Variants in DIAPH2 observed in about 807,000 individuals in gnomAD.
The protein encoded by DIAPH2 is protein diaphanous homolog 2.
Under a neutral mutation model 92.7 loss-of-function variants are expected in DIAPH2, and 35 were observed. That is an observed-to-expected ratio of 0.38 (90% CI 0.29 to 0.50). DIAPH2 has a LOEUF of 0.50. Ranked by LOEUF, DIAPH2 falls within the 20% of genes least tolerant of loss-of-function variation. The pLI is 0.94. For synonymous variants in DIAPH2, 301 were observed against 280.4 expected (o/e 1.07, Z -0.73); for missense variants, 701 against 819.5 (o/e 0.86, Z 1.77).
intron 8 of DIAPH2, among the ~76,000 whole-genome samples, chrX:96,918,199 T>G (rs895572262): frequency 2.7e-5 from 3 of 111,097 alleles, no homozygotes; most frequent in Non-Finnish European, 5.7e-5. Context: ...GTGACTGTAG[T>G]TAATAACAGT....
Position 96,898,823 on chromosome X carries a change from A to G in DIAPH2, c.588-13505A>G, listed in dbSNP as rs959942587. Among the ~76,000 whole-genome samples, 508 of 107,086 alleles carry G rather than the reference A, an allele frequency of 4.7e-3. 3 individuals are homozygous for G. Among genetic ancestry groups the G allele is most frequent in the African/African-American group, 0.016 (479 of 29,922 alleles). 93.0% of individuals were successfully genotyped at this position (107,086 alleles called of 115,157 possible). On this transcript the variant is annotated intron_variant, in intron 5 of 26. Transcript: ENST00000324765. ...GCCCATGCCTATGTCCTGAATGGTA[A>G]TGCCTAGGTTTTCTTCTAGGGTTTT...
At chrX:97,161,036 G>C (rs867888154) in intron 22 of DIAPH2, among the ~76,000 whole-genome samples, 2 of 94,810 alleles carry the variant, frequency 2.1e-5, no homozygotes, top group African/African-American at 7.3e-5. Context: ...TAAGGTTTTT[G>C]TTTTTTGTTT....
chrX:96,742,595 C>T (rs1172488558), intron 3 of DIAPH2, among the ~76,000 whole-genome samples: 1 of 111,290 alleles, frequency 9.0e-6, no homozygotes, highest in East Asian at 2.8e-4. Flanking sequence ...TCCGCTAGCT[C>T]ACAGCTTCAG....
intron 4 of DIAPH2, among the ~76,000 whole-genome samples, chrX:96,865,911 A>G (rs1037561655): frequency 8.9e-5 from 10 of 111,867 alleles, no homozygotes; most frequent in African/African-American, 3.2e-4. Context: ...GACACTTTAC[A>G]TTTATTTATA....
intron 21 of DIAPH2, among the ~76,000 whole-genome samples, chrX:97,128,326 A>G (rs183658875): frequency 9.0e-6 from 1 of 110,766 alleles, no homozygotes; most frequent in African/African-American, 3.3e-5. Context: ...GACAACCAAA[A>G]GTCACTCTCA....
At chrX:96,851,072 A>C (rs1005580417) in intron 4 of DIAPH2, among the ~76,000 whole-genome samples, 2 of 111,108 alleles carry the variant, frequency 1.8e-5, no homozygotes, top group African/African-American at 3.3e-5. Context: ...GTACTTATTG[A>C]AGCAGGAATG....
At chrX:96,969,249 T>G (rs1045228281) in intron 17 of DIAPH2, among the ~76,000 whole-genome samples, 2 of 111,980 alleles carry the variant, frequency 1.8e-5, no homozygotes, top group Non-Finnish European at 3.8e-5. Flanking sequence ...TAGTTTTTTT[T>G]TTCTAAGCCT....
chrX:97,469,236 A>C (rs1390561750), intron 26 of DIAPH2, among the ~76,000 whole-genome samples: 1 of 112,176 alleles, frequency 8.9e-6, no homozygotes, highest in Admixed American at 9.5e-5. Flanking sequence ...ACCTGGAAGA[A>C]AAATAAACTT....
At chrX:96,895,724 T>C (rs1325388015) in intron 5 of DIAPH2, among the ~76,000 whole-genome samples, 2 of 111,803 alleles carry the variant, frequency 1.8e-5, no homozygotes, top group Non-Finnish European at 3.8e-5. Flanking sequence ...GAGACAAAAA[T>C]TGATAGAGGA....
At chrX:97,346,524 C>A (rs1407987796) in intron 23 of DIAPH2, among the ~76,000 whole-genome samples, 1 of 110,988 alleles carries the variant, frequency 9.0e-6, no homozygotes, top group African/African-American at 3.3e-5. Flanking sequence ...TAGCTGAGAC[C>A]TCTAAAACAA....
At chrX:97,046,825 C>T (rs1415911222) in intron 17 of DIAPH2, among the ~76,000 whole-genome samples, 1 of 111,174 alleles carries the variant, frequency 9.0e-6, no homozygotes, top group Non-Finnish European at 1.9e-5. Flanking sequence ...CTGGTGGCTT[C>T]ATTGACATTT....
chrX:97,133,132 C>T (rs2067148791), intron 21 of DIAPH2, among the ~76,000 whole-genome samples: 1 of 111,967 alleles, frequency 8.9e-6, no homozygotes, highest in South Asian at 3.7e-4. Flanking sequence ...ATCCACGCTG[C>T]TTTACTACTT....
chrX:96,995,336 G>A (rs182094854), intron 17 of DIAPH2, among the ~76,000 whole-genome samples: 1 of 111,777 alleles, frequency 8.9e-6, no homozygotes, highest in African/African-American at 3.2e-5. Context: ...CAGTCATTGA[G>A]ATAATACAGG....
intron 20 of DIAPH2, among the ~76,000 whole-genome samples, chrX:97,104,406 TAAAG>T (rs1256145633): frequency 2.7e-5 from 3 of 110,203 alleles, no homozygotes; most frequent in Non-Finnish European, 5.7e-5. Context: ...TTAAAGCTCT[TAAAG>T]AAAGTTCTCT....
intron 22 of DIAPH2, among the ~76,000 whole-genome samples, chrX:97,170,541 T>C (rs1435206735): frequency 9.0e-6 from 1 of 111,660 alleles, no homozygotes; most frequent in Non-Finnish European, 1.9e-5. Context: ...GGATATAGTG[T>C]TGGGGCAAAG....
intron 22 of DIAPH2, among the ~76,000 whole-genome samples, chrX:97,209,750 G>A (rs1284861311): frequency 9.0e-6 from 1 of 110,619 alleles, no homozygotes; most frequent in Non-Finnish European, 1.9e-5. Context: ...ATTTTTAAGT[G>A]AACTAATTGT....
chrX:97,587,456 TAAGA>T (rs2071486668), intron 26 of DIAPH2, among the ~76,000 whole-genome samples: 1 of 111,307 alleles, frequency 9.0e-6, no homozygotes, highest in Non-Finnish European at 1.9e-5. Flanking sequence ...TGGATGACAA[TAAGA>T]AAAATAAGTA....
At chrX:97,282,554 C>T (rs2068507588) in intron 23 of DIAPH2, among the ~76,000 whole-genome samples, 1 of 111,768 alleles carries the variant, frequency 8.9e-6, no homozygotes, top group South Asian at 3.7e-4. Context: ...CATGATTCGC[C>T]TGCCTTGGCC....
At chrX:96,825,399 A>G (rs1394016816) in intron 4 of DIAPH2, among the ~76,000 whole-genome samples, 4 of 93,427 alleles carry the variant, frequency 4.3e-5, no homozygotes, top group Non-Finnish European at 6.4e-5. Context: ...GAATATGGTT[A>G]GTTATAAGTT....
Sources: allele counts gnomAD v4.1 joint callset (sites outside exome capture counted in the v4.1 genomes callset), GRCh38; gene constraint gnomAD v4.1.1; transcripts MANE v1.5; gene names NCBI Gene and HGNC (gene_info 2026-07-23, HGNC 2026-07-21).